Variants in LMBR1 observed in about 807,000 individuals in gnomAD.
The protein encoded by LMBR1 is limb development membrane protein 1, also known as limb region 1 protein homolog.
Under a neutral mutation model 73.9 loss-of-function variants are expected in LMBR1, and 52 were observed. The observed-to-expected ratio is 0.70, with a 90% CI of 0.56 to 0.89. The LOEUF is 0.89. LMBR1 is among the 40% of genes least tolerant of loss of function. LMBR1 has a pLI of 0.00. For missense variants in LMBR1, 539 were observed against 579.8 expected (o/e 0.93, Z 0.72); for synonymous variants, 215 against 209.4 (o/e 1.03, Z -0.23).
intron 16 of LMBR1, among the ~76,000 whole-genome samples, chr7:156,687,241 C>T (rs1806177222): frequency 6.6e-6 from 1 of 152,172 alleles, no homozygotes; most frequent in Admixed American, 6.5e-5. Flanking sequence ...CAAATCATGT[C>T]AACTCAGGTA....
At position 156,683,255 on chromosome 7, in the gene LMBR1, A is replaced by G. The variant is rs1328994433; in HGVS notation, c.*823T>C. 42 of 152,266 alleles carry G rather than the reference A, an allele frequency of 2.8e-4. No homozygotes were observed. 9.4% of individuals were successfully genotyped at this position (152,266 alleles called of 1,614,324 possible). On this transcript the variant is annotated 3_prime_UTR_variant, in exon 17 of 17. Coordinates refer to ENST00000353442, the MANE Select transcript of LMBR1 (RefSeq NM_022458.4). ...CTGAAAAAAATGCTTTAAAAAACTG[A>G]GTATACATATAGCCTATAAGGTAAA...
intron 1 of LMBR1, among the ~76,000 whole-genome samples, chr7:156,850,302 C>A (rs1796063365): frequency 6.6e-6 from 1 of 152,154 alleles, no homozygotes; most frequent in African/African-American, 2.4e-5. Context: ...TGATCTTGGG[C>A]TTCCCAGCCT....
intron 1 of LMBR1, among the ~76,000 whole-genome samples, chr7:156,865,417 T>C (rs182297227): frequency 7.9e-5 from 12 of 152,310 alleles, no homozygotes; most frequent in East Asian, 1.9e-4. Flanking sequence ...CAAAATATTA[T>C]TGAAAGACAT....
intron 15 of LMBR1, among the ~76,000 whole-genome samples, chr7:156,719,647 T>A (rs1814069557): frequency 6.6e-6 from 1 of 151,954 alleles, no homozygotes; most frequent in African/African-American, 2.4e-5. Flanking sequence ...CATCGCCAAG[T>A]CAATCCTAAG....
intron 1 of LMBR1, among the ~76,000 whole-genome samples, chr7:156,880,813 C>T (rs1045713216): frequency 2.0e-5 from 3 of 152,034 alleles, no homozygotes; most frequent in South Asian, 4.2e-4. Context: ...CCACCACGCC[C>T]GGCTAATTTT....
chr7:156,826,029 G>C (rs1032446659), intron 4 of LMBR1, among the ~76,000 whole-genome samples: 2 of 152,218 alleles, frequency 1.3e-5, no homozygotes, highest in Non-Finnish European at 2.9e-5. Flanking sequence ...GCCCAGGCCA[G>C]AGGGCAATGG....
intron 1 of LMBR1, among the ~76,000 whole-genome samples, chr7:156,874,970 A>G (rs1799939986): frequency 6.6e-6 from 1 of 152,240 alleles, no homozygotes; most frequent in Admixed American, 6.5e-5. Context: ...TACCTGAAAA[A>G]TAATTCAGAA....
chr7:156,779,766 T>C, intron 5 of LMBR1: 1 of 1,054,736 alleles, frequency 9.5e-7, no homozygotes, highest in African/African-American at 1.6e-5. Context: ...TCATACACTA[T>C]GTCTCTACCC....
intron 15 of LMBR1, among the ~76,000 whole-genome samples, chr7:156,710,604 G>A (rs1368958859): frequency 1.3e-5 from 2 of 152,232 alleles, no homozygotes; most frequent in East Asian, 1.9e-4. Context: ...AAACTTATTT[G>A]AGGGAATAAC....
intron 1 of LMBR1, among the ~76,000 whole-genome samples, chr7:156,888,290 G>A (rs1054032286): frequency 6.6e-6 from 1 of 151,400 alleles, no homozygotes; most frequent in Non-Finnish European, 1.5e-5. Flanking sequence ...GGTGCCTGTA[G>A]TCCCAGCTAC....
In LMBR1 at chr7:156,681,123, T is replaced by TAA; in HGVS notation, c.*2953_*2954dup. 2.3e-6 allele frequency: 1 copy of TAA among 435,658 alleles called. No homozygotes were observed. The highest frequency in any genetic ancestry group is 4.5e-6 in the Non-Finnish European group (1 of 220,982). The allele number at this position is 435,658 out of a possible 1,614,324, so 27.0% of individuals were successfully genotyped here. A position where few individuals can be genotyped will look rare whatever the true frequency, so the allele number is the denominator to read the frequency against. On this transcript the variant is annotated 3_prime_UTR_variant, in exon 17 of 17. Coordinates refer to ENST00000353442, the MANE Select transcript of LMBR1 (RefSeq NM_022458.4). ...TTGTAAGAATTCTGCCTTTATGCAT[T>TAA]AAATAACGTGCTACCAACAAAACTA...
chr7:156,714,549 C>T lies in LMBR1; in HGVS notation c.1225+9563G>A, dbSNP rs150956790. ...GACACAGACGGGGTCAGGTATAGAT[C>T]GTATGTGTTACCTTAAGGAAACTGT... On this transcript the variant is annotated intron_variant, in intron 15 of 16. Transcript: ENST00000353442. Among the ~76,000 whole-genome samples, 335 of 152,242 alleles carry T rather than the reference C, an allele frequency of 2.2e-3. 2 individuals are homozygous for T. The highest frequency in any genetic ancestry group is 7.8e-3 in the African/African-American group (322 of 41,512).
intron 1 of LMBR1, among the ~76,000 whole-genome samples, chr7:156,875,931 T>C (rs1329183438): frequency 2.0e-5 from 3 of 150,436 alleles, no homozygotes; most frequent in Non-Finnish European, 4.4e-5. Flanking sequence ...ACAAGGTATA[T>C]AGGCAACCAA....
chr7:156,670,412 G>A lies in LMBR1; in HGVS notation n.867-1125C>T, dbSNP rs1238524347. Among the ~76,000 whole-genome samples, 1 of 152,220 alleles carries A rather than the reference G, an allele frequency of 6.6e-6. No homozygotes were observed. Among genetic ancestry groups the A allele is most frequent in the African/African-American group, 2.4e-5 (1 of 41,444 alleles). ...AGTGACTTGCCTAAGAGAGGATGTG[G>A]CGCAGGATGTCACTGTCAGAATTTG... On this transcript the variant is annotated intron_variant and non_coding_transcript_variant, in intron 4 of 4. Transcript: ENST00000430825. This position sits in a 1 kb window ranked among gnomAD's most constrained non-coding sequence, Gnocchi z 4.3.
At chr7:156,767,162 A>G (rs1201247802) in intron 5 of LMBR1, among the ~76,000 whole-genome samples, 1 of 152,096 alleles carries the variant, frequency 6.6e-6, no homozygotes, top group African/African-American at 2.4e-5. Flanking sequence ...AGGGGTGTAA[A>G]AGCCGTACAG....
intron 1 of LMBR1, among the ~76,000 whole-genome samples, chr7:156,878,408 T>C (rs1800543252): frequency 6.6e-6 from 1 of 152,148 alleles, no homozygotes; most frequent in Non-Finnish European, 1.5e-5. Context: ...ACATCAACAG[T>C]GACCAAGCTG....
intron 1 of LMBR1, 46 bp downstream of exon 1, chr7:156,892,882 C>T: frequency 7.3e-7 from 1 of 1,376,562 alleles, no homozygotes; most frequent in Admixed American, 2.9e-5. Flanking sequence ...ACGGAGGGCC[C>T]GGGCGGGCAC....
intron 1 of LMBR1, among the ~76,000 whole-genome samples, chr7:156,873,993 G>A (rs1338118030): frequency 3.9e-5 from 6 of 152,382 alleles, no homozygotes; most frequent in South Asian, 2.1e-4. Context: ...CCAGTCCCGC[G>A]CCATGCGCTC....
chr7:156,761,156 C>A (rs142695932), intron 8 of LMBR1, among the ~76,000 whole-genome samples: 1 of 152,128 alleles, frequency 6.6e-6, no homozygotes, highest in African/African-American at 2.4e-5. Flanking sequence ...AACACAGGGA[C>A]AGCTAGAGGA....
Sources: allele counts gnomAD v4.1 joint callset (sites outside exome capture counted in the v4.1 genomes callset), GRCh38; gene constraint gnomAD v4.1.1; non-coding constraint Gnocchi (gnomAD v3.1); transcripts MANE v1.5; gene names NCBI Gene and HGNC (gene_info 2026-07-23, HGNC 2026-07-21).